GCLC: variants seen among roughly 807,000 people sequenced by gnomAD.
GCLC encodes glutamate--cysteine ligase catalytic subunit.
A neutral mutation model predicts 81.5 loss-of-function variants in GCLC; 30 were observed. The ratio of observed to expected loss-of-function variants is 0.37; its 90% confidence interval spans 0.28 to 0.50. GCLC has a LOEUF of 0.50. GCLC is among the 20% of genes least tolerant of loss of function. The probability of loss-of-function intolerance (pLI) is 0.96; values close to 1 mark genes in which losing one functional copy is unlikely to be tolerated. For missense variants in GCLC, 556 were observed against 777.4 expected (o/e 0.72, Z 3.39); for synonymous variants, 262 against 273.3 (o/e 0.96, Z 0.41).
chr6:53,520,779 T>C lies in GCLC; in HGVS notation c.445A>G (p.Arg149Gly), dbSNP rs147567055. Residue 149 changes from arginine to glycine, a missense_variant and splice_region_variant, in exon 3 of 16, where the codon AGA becomes GGA. Arg to Gly is a moderately radical substitution (Grantham distance 125, BLOSUM62 -2). Transcript: ENST00000650454. ...GGGCATGTTAATATAGGAACTAACC[T>C]GGGAAATGAAGTTATTGTGCAAAGA... ...QALCTITSFP[R>G]LGCPGFTLPE... The C allele has an allele frequency of 6.2e-7, 1 of 1,613,390 alleles. No homozygotes were observed. The highest frequency in any genetic ancestry group is 8.5e-7 in the Non-Finnish European group (1 of 1,179,266).
rs201960255 is a variant in GCLC at position 53,517,249 on chromosome 6, GTTTTTTTTTTTTTTTT to G, written c.447-1043_447-1028del. On this transcript the variant is annotated intron_variant, in intron 3 of 15. Transcript: ENST00000650454. ...TTACAGGCATGAGTCACTGTACCAA[GTTTTTTTTTTTTTTTT>G]TTTTTTTTTTTTCCAGGGACGAGGT... 0.027 allele frequency among the ~76,000 whole-genome samples: 1,961 copies of G among 73,192 alleles called. 125 individuals carry two copies. The East Asian group carries it at 0.33, about 12-fold the overall frequency. 48.0% of individuals were successfully genotyped at this position (73,192 alleles called of 152,430 possible). A position where few individuals can be genotyped will look rare whatever the true frequency, so the allele number is the denominator to read the frequency against.
At chr6:53,520,278 T>C (rs142817037) in intron 3 of GCLC, among the ~76,000 whole-genome samples, 1 of 152,370 alleles carries the variant, frequency 6.6e-6, no homozygotes, top group African/African-American at 2.4e-5. Context: ...ACGTTGTTCA[T>C]AGAGCATCGG....
At chr6:53,513,049 T>C (rs949604483) in intron 6 of GCLC, 1 of 152,212 alleles carries the variant, frequency 6.6e-6, no homozygotes, top group Non-Finnish European at 1.5e-5. Flanking sequence ...ATACTACCTA[T>C]AAATGTCAAG....
At chr6:53,530,571 G>A (rs1156644765) in intron 1 of GCLC, among the ~76,000 whole-genome samples, 1 of 152,214 alleles carries the variant, frequency 6.6e-6, no homozygotes, top group African/African-American at 2.4e-5. Flanking sequence ...TTCATAGAAA[G>A]GGCTCGTCCT....
chr6:53,508,343 C>T (rs765692555), intron 8 of GCLC, among the ~76,000 whole-genome samples: 1 of 152,138 alleles, frequency 6.6e-6, no homozygotes, highest in African/African-American at 2.4e-5. Context: ...TCATGTGGCA[C>T]CAAAAAGCCT....
intron 1 of GCLC, among the ~76,000 whole-genome samples, chr6:53,535,130 T>C (rs575453517): frequency 6.6e-6 from 1 of 152,274 alleles, no homozygotes; most frequent in African/African-American, 2.4e-5. Context: ...TGCCTGTAAG[T>C]CCCAGCTACT....
chr6:53,536,413 T>C (rs1763258230), intron 1 of GCLC, among the ~76,000 whole-genome samples: 1 of 152,212 alleles, frequency 6.6e-6, no homozygotes, highest in South Asian at 2.1e-4. Flanking sequence ...CTTACCAAAT[T>C]GTACATTTTA....
intron 6 of GCLC, chr6:53,509,650 C>T: frequency 4.0e-6 from 1 of 250,670 alleles, no homozygotes; most frequent in Non-Finnish European, 7.8e-6. Context: ...TTCTTTCTTT[C>T]TTCCTTTTAT....
At chr6:53,509,324 G>T (rs1764687745) in intron 6 of GCLC, 74 bp from the exon 7 acceptor site, 1 of 897,094 alleles carries the variant, frequency 1.1e-6, no homozygotes, top group Non-Finnish European at 1.9e-6. Context: ...GTCAGAGAAG[G>T]AAGGTGCTGG....
intron 12 of GCLC, 27 bp downstream of exon 12, chr6:53,505,365 C>T (rs751776119): frequency 1.1e-6 from 1 of 901,606 alleles, no homozygotes; most frequent in Admixed American, 1.7e-5. Flanking sequence ...GATCTATACC[C>T]ATCACCATAA....
chr6:53,507,580 T>C lies in GCLC; in HGVS notation c.984A>G (p.Arg328=), dbSNP rs181411098. 1 of 1,574,010 alleles carries C rather than the reference T, an allele frequency of 6.4e-7. No homozygotes were observed. The highest frequency in any genetic ancestry group is 8.7e-7 in the Non-Finnish European group (1 of 1,143,806). Residue 328 remains arginine, a synonymous_variant, in exon 9 of 16, where the codon CGA becomes CGG. Transcript: ENST00000650454. The stretch of plus-strand genomic sequence containing the variant: ...ATAAATAGCTGTCTATTGAGTCATA[T>C]CGGGATTTACTGATCCTATAGTTAT... ...KNNNYRISKS[R]YDSIDSYLSK...
At chr6:53,528,916 T>C (rs904118225) in intron 1 of GCLC, among the ~76,000 whole-genome samples, 1 of 152,146 alleles carries the variant, frequency 6.6e-6, no homozygotes, top group Non-Finnish European at 1.5e-5. Context: ...TTCAAGACTT[T>C]AATAAAATAG....
chr6:53,514,623 C>G (rs1456954696), intron 4 of GCLC, 126 bp from the exon 5 acceptor site: 1 of 770,696 alleles, frequency 1.3e-6, no homozygotes, highest in Non-Finnish European at 2.4e-6. Context: ...GACAACTCAA[C>G]AGAAAATGTA....
chr6:53,508,173 ACC>A (rs1010768900), intron 8 of GCLC, among the ~76,000 whole-genome samples: 56 of 152,230 alleles, frequency 3.7e-4, no homozygotes, highest in African/African-American at 1.2e-3. Flanking sequence ...TCTGATGCAC[ACC>A]CCTTGTTGGA....
intron 6 of GCLC, chr6:53,513,331 T>G (rs1352053697): frequency 1.3e-5 from 2 of 152,222 alleles, no homozygotes; most frequent in Admixed American, 6.5e-5. Context: ...GGACGCTGTT[T>G]TGAATCAGCT....
chr6:53,507,370 A>G (rs1015903467), intron 9 of GCLC, 110 bp downstream of exon 9: 13 of 1,010,142 alleles, frequency 1.3e-5, no homozygotes, highest in Non-Finnish European at 1.9e-5. Flanking sequence ...GAAGTTAAAG[A>G]CTTTGCACTA....
intron 1 of GCLC, among the ~76,000 whole-genome samples, chr6:53,542,528 T>G (rs1212762119): frequency 6.7e-6 from 1 of 148,574 alleles, no homozygotes; most frequent in Non-Finnish European, 1.5e-5. Context: ...TAAGGATTCC[T>G]GGAGTGTCTT....
intron 1 of GCLC, among the ~76,000 whole-genome samples, chr6:53,524,495 T>C (rs1019203260): frequency 3.9e-5 from 6 of 152,172 alleles, no homozygotes; most frequent in African/African-American, 1.4e-4. Context: ...GCTGTAACAA[T>C]AGTTACAGTC....
chr6:53,516,210 A>G lies in GCLC; in HGVS notation c.459T>C (p.Pro153=). 6.2e-7 allele frequency: 1 copy of G among 1,604,436 alleles called. No homozygotes were observed. The highest frequency in any genetic ancestry group is 8.5e-7 in the Non-Finnish European group (1 of 1,171,122). The change falls in exon 4 of 16, where the codon CCT becomes CCC. Residue 153 remains proline (P), a synonymous_variant. Coordinates refer to ENST00000650454, the MANE Select transcript of GCLC (RefSeq NM_001498.4). The stretch of plus-strand genomic sequence containing the variant: ...GTTTGACCTCGGGCAGTGTGAACCC[A>G]GGACAGCCTAATCTACAACAAATTG... ...TITSFPRLGC[P]GFTLPEVKPN... is the part of the protein sequence containing the mutation.
Sources: allele counts gnomAD v4.1 joint callset (sites outside exome capture counted in the v4.1 genomes callset), GRCh38; gene constraint gnomAD v4.1.1; transcripts MANE v1.5; gene names NCBI Gene and HGNC (gene_info 2026-07-23, HGNC 2026-07-21).